STAT4: variants seen among roughly 807,000 people sequenced by gnomAD.
STAT4 encodes signal transducer and activator of transcription 4.
STAT4 carries 42 observed loss-of-function variants against 110.5 expected under a neutral mutation model. The observed-to-expected ratio is 0.38, with a 90% confidence interval of 0.30 to 0.49. STAT4 has a LOEUF of 0.49. Ranked by LOEUF, STAT4 falls within the 20% of genes least tolerant of loss-of-function variation. The pLI is 0.95. For missense variants in STAT4, 632 were observed against 887.9 expected (o/e 0.71, Z 3.66); for synonymous variants, 284 against 302.2 (o/e 0.94, Z 0.63).
intron 3 of STAT4, among the ~76,000 whole-genome samples, chr2:191,109,918 C>T (rs1698380090): frequency 6.6e-6 from 1 of 152,120 alleles, no homozygotes. Flanking sequence ...CTAATTACCT[C>T]CTTTGAGGGA....
intron 3 of STAT4, among the ~76,000 whole-genome samples, chr2:191,108,526 T>A (rs1698342622): frequency 6.6e-6 from 1 of 152,028 alleles, no homozygotes; most frequent in Admixed American, 6.5e-5. Context: ...AAATATGAAA[T>A]GAAGAGGAGG....
At position 191,112,963 on chromosome 2, in the gene STAT4, C is replaced by T. The variant is rs529992020; in HGVS notation, c.273+33650G>A. On this transcript the variant is annotated intron_variant, in intron 3 of 23. Coordinates refer to ENST00000392320, the MANE Select transcript of STAT4 (RefSeq NM_003151.4). This position sits in a 1 kb window ranked among gnomAD's most constrained non-coding sequence, Gnocchi z 4.3. ...CACTGTACTACCAGTTCACTTTGCT[C>T]CCTAGCAGGAAGGGCATTCCCATAG... 6.6e-6 allele frequency among the ~76,000 whole-genome samples: 1 copy of T among 152,344 alleles called. No homozygotes were observed. The highest frequency in any genetic ancestry group is 2.1e-4 in the South Asian group (1 of 4,828).
chr2:191,045,616 T>C (rs1470994294), intron 14 of STAT4, among the ~76,000 whole-genome samples: 1 of 152,204 alleles, frequency 6.6e-6, no homozygotes, highest in Non-Finnish European at 1.5e-5. Context: ...CAGAATCCTG[T>C]TTGCATTTGA....
rs1419858824 is a variant in STAT4 at position 191,099,932 on chromosome 2, G to A, written c.274-23607C>T. On this transcript the variant is annotated intron_variant, in intron 3 of 23. Coordinates refer to ENST00000392320, the MANE Select transcript of STAT4 (RefSeq NM_003151.4). The surrounding 1 kb of genome is among the most constrained non-coding windows in gnomAD (Gnocchi z 4.1). ...TAATAGTGGTTATCTTATTTCAGTG[G>A]AATTTCAGGGGATTTTTTTTCTTTC... Among the ~76,000 whole-genome samples the A allele has an allele frequency of 6.6e-6, 1 of 152,054 alleles. No homozygotes were observed. Among genetic ancestry groups the A allele is most frequent in the Non-Finnish European group, 1.5e-5 (1 of 67,996 alleles).
In STAT4 at chr2:191,046,050, A is replaced by T. The variant is rs1696342057; in HGVS notation, c.1252-4902T>A. 6.6e-6 allele frequency among the ~76,000 whole-genome samples: 1 copy of T among 152,132 alleles called. No individual in the cohort carries two copies. Among genetic ancestry groups the T allele is most frequent in the Non-Finnish European group, 1.5e-5 (1 of 68,028 alleles). On this transcript the variant is annotated intron_variant, in intron 14 of 23. Coordinates refer to ENST00000392320, the MANE Select transcript of STAT4 (RefSeq NM_003151.4). The surrounding 1 kb of genome is among the most constrained non-coding windows in gnomAD (Gnocchi z 4.6). The stretch of plus-strand genomic sequence containing the variant: ...AATCTCACTGCCCACTAGGGAGGGG[A>T]TGCTTACACTATGCAAAACACGAGA...
chr2:191,058,080 C>G lies in STAT4; in HGVS notation c.1144G>C (p.Val382Leu), dbSNP rs1194733770. Residue 382 changes from valine (V) to leucine (L), a missense_variant, in exon 13 of 24, where the codon GTC becomes CTC. This residue lies in a region of STAT4 where 488 missense variants were observed against 632.8 expected (regional missense o/e 0.77). Coordinates refer to ENST00000392320, the MANE Select transcript of STAT4 (RefSeq NM_003151.4). The surrounding 1 kb of genome is among the most constrained non-coding windows in gnomAD (Gnocchi z 4.3). ...NRRFVLCGTN[V>L]KAMSIEESSN... ...GATTCTTCAATAGACATGGCTTTGA[C>G]ATTAGTTCCACAAAGTACAAATCTT... The G allele has an allele frequency of 6.2e-7, 1 of 1,614,030 alleles. No homozygotes were observed. The highest frequency in any genetic ancestry group is 1.7e-5 in the Admixed American group (1 of 60,010).
At chr2:191,081,855 A>G (rs1244251224) in intron 3 of STAT4, among the ~76,000 whole-genome samples, 1 of 152,158 alleles carries the variant, frequency 6.6e-6, no homozygotes, top group Non-Finnish European at 1.5e-5. Flanking sequence ...AGTCTTGCCA[A>G]GGAAAACCAC....
At chr2:191,072,876 G>A (rs755512804) in intron 5 of STAT4, among the ~76,000 whole-genome samples, 1 of 152,146 alleles carries the variant, frequency 6.6e-6, no homozygotes, top group Non-Finnish European at 1.5e-5. Flanking sequence ...AGAAGAAATA[G>A]ATAACCTGAA....
Position 191,050,403 on chromosome 2 carries a change from G to A in STAT4, c.1251+4087C>T, listed in dbSNP as rs1228029861. On this transcript the variant is annotated intron_variant, in intron 14 of 23. Coordinates refer to ENST00000392320, the MANE Select transcript of STAT4 (RefSeq NM_003151.4). The surrounding 1 kb of genome is among the most constrained non-coding windows in gnomAD (Gnocchi z 4.3). ...TAGAGTGGAGAGAAAGGCAGTGATT[G>A]CTAAAGTTGATTTTATGATAGCGTG... 1.3e-5 allele frequency among the ~76,000 whole-genome samples: 2 copies of A among 152,210 alleles called. No individual in the cohort carries two copies. Among genetic ancestry groups the A allele is most frequent in the East Asian group, 1.9e-4 (1 of 5,196 alleles).
Position 191,031,165 on chromosome 2 carries a change from C to A in STAT4, c.2112-85G>T, listed in dbSNP as rs1695882570. The A allele has an allele frequency of 2.2e-6, 3 of 1,357,732 alleles. No individual in the cohort carries two copies. The highest frequency in any genetic ancestry group is 1.8e-5 in the Admixed American group (1 of 55,886). The allele number at this position is 1,357,732 out of a possible 1,614,324, so 84.1% of individuals were successfully genotyped here. A position where few individuals can be genotyped will look rare whatever the true frequency, so the allele number is the denominator to read the frequency against. On this transcript the variant is annotated intron_variant, in intron 22 of 23. Coordinates refer to ENST00000392320, the MANE Select transcript of STAT4 (RefSeq NM_003151.4). This position sits in a 1 kb window ranked among gnomAD's most constrained non-coding sequence, Gnocchi z 4.8. ...GACTTACTATGTCAGGAACTCATTT[C>A]TAGGGCTTCATCTATTTGTGACATT...
chr2:191,075,126 C>T (rs948917417), intron 4 of STAT4, among the ~76,000 whole-genome samples: 10 of 152,012 alleles, frequency 6.6e-5, no homozygotes, highest in Admixed American at 5.9e-4. Flanking sequence ...CGCCACTGTA[C>T]TCTAGCCTGA....
rs1184664614 is a variant in STAT4 at position 191,031,673 on chromosome 2, C to A, written c.2045-157G>T. ...CAGAAATGTTTTGTTAAATAGGGGACACAATCTTTTAGATAAGCATAAAAT... is the reference window on the plus strand; with the variant it reads ...CAGAAATGTTTTGTTAAATAGGGGAAACAATCTTTTAGATAAGCATAAAAT... On this transcript the variant is annotated intron_variant, in intron 21 of 23. Coordinates refer to ENST00000392320, the MANE Select transcript of STAT4 (RefSeq NM_003151.4). The surrounding 1 kb of genome is among the most constrained non-coding windows in gnomAD (Gnocchi z 4.8). Among the ~76,000 whole-genome samples, 1 of 152,112 alleles carries A rather than the reference C, an allele frequency of 6.6e-6. No individual in the cohort carries two copies. The highest frequency in any genetic ancestry group is 1.5e-5 in the Non-Finnish European group (1 of 68,022).
In STAT4 at chr2:191,082,376, A is replaced by G. The variant is rs1039002385; in HGVS notation, c.274-6051T>C. On this transcript the variant is annotated intron_variant, in intron 3 of 23. Transcript: ENST00000392320. This position sits in a 1 kb window ranked among gnomAD's most constrained non-coding sequence, Gnocchi z 4.7. ...AATTATAGTGTTATATTTTGATGAC[A>G]TTTTAAACAGCAATTAAGATCAACA... Among the ~76,000 whole-genome samples the G allele has an allele frequency of 5.9e-5, 9 of 152,224 alleles. No individual in the cohort carries two copies. Among genetic ancestry groups the G allele is most frequent in the Non-Finnish European group, 2.9e-5 (2 of 68,038 alleles).
At chr2:191,120,379 C>G (rs1489024822) in intron 3 of STAT4, among the ~76,000 whole-genome samples, 4 of 151,966 alleles carry the variant, frequency 2.6e-5, no homozygotes, top group Admixed American at 2.0e-4. Flanking sequence ...ATCAAAAAGC[C>G]TAGGCAACAT....
In STAT4 at chr2:191,130,965, A is replaced by C. The variant is rs1050631846; in HGVS notation, c.273+15648T>G. 2.0e-5 allele frequency among the ~76,000 whole-genome samples: 3 copies of C among 151,848 alleles called. No individual in the cohort carries two copies. In the East Asian group the frequency reaches 5.8e-4, roughly 29 times the overall value. Reference sequence around the variant, plus strand: ...ATGCATTTATTAAAAAAGGATGAAAATTAAGTATCTGAGTAAAGTTAGAAA... The same window carrying C: ...ATGCATTTATTAAAAAAGGATGAAACTTAAGTATCTGAGTAAAGTTAGAAA... On this transcript the variant is annotated intron_variant, in intron 3 of 23. Transcript: ENST00000392320.
chr2:191,061,245 T>G lies in STAT4; in HGVS notation c.1034+484A>C, dbSNP rs1274171999. ...AAAGTCTAATAAGCCAGTTACTGGG[T>G]AATCTCAGGAGATGAATGTGCCACT... On this transcript the variant is annotated intron_variant, in intron 10 of 23. Transcript: ENST00000392320. The surrounding 1 kb of genome is among the most constrained non-coding windows in gnomAD (Gnocchi z 6.2). Among the ~76,000 whole-genome samples, 1 of 152,150 alleles carries G rather than the reference T, an allele frequency of 6.6e-6. No homozygotes were observed. The highest frequency in any genetic ancestry group is 1.5e-5 in the Non-Finnish European group (1 of 68,022).
At position 191,039,428 on chromosome 2, in the gene STAT4, C is replaced by G; in HGVS notation, c.1336-131G>C. 4.2e-6 allele frequency: 3 copies of G among 711,140 alleles called. No homozygotes were observed. Among genetic ancestry groups the G allele is most frequent in the Non-Finnish European group, 7.5e-6 (3 of 401,008 alleles). 44.1% of individuals were successfully genotyped at this position (711,140 alleles called of 1,614,324 possible). On this transcript the variant is annotated intron_variant, in intron 15 of 23. Transcript: ENST00000392320. The surrounding 1 kb of genome is among the most constrained non-coding windows in gnomAD (Gnocchi z 4.7). ...CCTCCAGTCCTGATGTCCATGGTGC[C>G]CTGGTCACTGAAATGACTTGTGAAG...
chr2:191,060,181 C>A lies in STAT4; in HGVS notation c.1035-1412G>T, dbSNP rs1696809800. Among the ~76,000 whole-genome samples, 1 of 152,172 alleles carries A rather than the reference C, an allele frequency of 6.6e-6. No individual in the cohort carries two copies. Among genetic ancestry groups the A allele is most frequent in the African/African-American group, 2.4e-5 (1 of 41,436 alleles). ...CAGTTCACACAACATGCAAGTGGTG[C>A]TGATTCAGAGTGCCTCTTCCACTTA... On this transcript the variant is annotated intron_variant, in intron 10 of 23. Transcript: ENST00000392320. This position sits in a 1 kb window ranked among gnomAD's most constrained non-coding sequence, Gnocchi z 4.5.
chr2:191,071,910 G>C (rs1011175918), intron 5 of STAT4, among the ~76,000 whole-genome samples: 2 of 152,124 alleles, frequency 1.3e-5, no homozygotes, highest in Non-Finnish European at 2.9e-5. Context: ...GTCTAACTTT[G>C]GTTTGAGAAA....
Sources: allele counts gnomAD v4.1 joint callset (sites outside exome capture counted in the v4.1 genomes callset), GRCh38; gene constraint gnomAD v4.1.1; regional missense constraint gnomAD v4.1.1; non-coding constraint Gnocchi (gnomAD v3.1); transcripts MANE v1.5; gene names NCBI Gene and HGNC (gene_info 2026-07-23, HGNC 2026-07-21).